Variants in TRIM2 observed in about 807,000 individuals in gnomAD.
The protein encoded by TRIM2 is tripartite motif containing 2.
Under a neutral mutation model 75.2 loss-of-function variants are expected in TRIM2, and 20 were observed. That is an observed-to-expected ratio of 0.27 (90% CI 0.19 to 0.39). The LOEUF is 0.39. TRIM2 is among the 10% of genes least tolerant of loss of function. The pLI, the probability that TRIM2 is intolerant of heterozygous loss-of-function variation, is 1.00. For missense variants in TRIM2, 660 were observed against 990.8 expected, an observed-to-expected ratio of 0.67 and a Z score of 4.48; for synonymous variants, 373 against 388.3, an observed-to-expected ratio of 0.96 and a Z score of 0.46.
At chr4:153,178,655 A>G (rs1261122759) in intron 1 of TRIM2, among the ~76,000 whole-genome samples, 1 of 152,200 alleles carries the variant, frequency 6.6e-6, no homozygotes, top group African/African-American at 2.4e-5. Flanking sequence ...GGTCAAAAAA[A>G]TTTGAGACTC....
intron 1 of TRIM2, among the ~76,000 whole-genome samples, chr4:153,171,352 G>A (rs1730826882): frequency 6.6e-6 from 1 of 152,210 alleles, no homozygotes; most frequent in African/African-American, 2.4e-5. Context: ...CTGGGAGGCT[G>A]AGGCAGGCGG....
intron 1 of TRIM2, among the ~76,000 whole-genome samples, chr4:153,220,954 A>G (rs1417459048): frequency 6.6e-6 from 1 of 152,200 alleles, no homozygotes; most frequent in Non-Finnish European, 1.5e-5. Flanking sequence ...TGTTAAACAT[A>G]GAATTAGCGT....
intron 8 of TRIM2, among the ~76,000 whole-genome samples, chr4:153,321,246 G>C (rs78364201): frequency 6.6e-6 from 1 of 152,364 alleles, no homozygotes; most frequent in African/African-American, 2.4e-5. Flanking sequence ...GAGGGCAAGA[G>C]CTACGTCTTA....
chr4:153,264,719 G>A (rs1043877873), intron 1 of TRIM2, among the ~76,000 whole-genome samples: 1 of 152,174 alleles, frequency 6.6e-6, no homozygotes, highest in Non-Finnish European at 1.5e-5. Flanking sequence ...GTGCTTATTA[G>A]CTCATTCTGT....
chr4:153,233,583 A>G (rs1744226773), intron 1 of TRIM2, among the ~76,000 whole-genome samples: 1 of 152,058 alleles, frequency 6.6e-6, no homozygotes, highest in Admixed American at 6.6e-5. Flanking sequence ...ACCAATGTGT[A>G]TTTGAAGTCA....
At position 153,295,105 on chromosome 4, in the gene TRIM2, C is replaced by T. The variant is rs549348899; in HGVS notation, c.787-208C>T. Among the ~76,000 whole-genome samples, 4 of 152,214 alleles carry T rather than the reference C, an allele frequency of 2.6e-5. No individual in the cohort carries two copies. The highest frequency in any genetic ancestry group is 3.8e-4 in the East Asian group (2 of 5,196). ...AGAAATACATGTGTGGAAGAGAGGG[C>T]GAGGCGGAAGGGAAACCTCGAAAAG... is the stretch of plus-strand genomic sequence containing the variant. On this transcript the variant is annotated intron_variant, in intron 5 of 11. Coordinates refer to ENST00000338700, the MANE Select transcript of TRIM2 (RefSeq NM_015271.5). The surrounding 1 kb of genome is among the most constrained non-coding windows in gnomAD (Gnocchi z 7.2).
chr4:153,173,090 G>T (rs558267909), intron 1 of TRIM2, among the ~76,000 whole-genome samples: 1 of 152,316 alleles, frequency 6.6e-6, no homozygotes, highest in Admixed American at 6.5e-5. Context: ...AGTCCAAAGT[G>T]ACACCCTTCG....
chr4:153,246,608 T>C (rs1749221797), intron 1 of TRIM2, among the ~76,000 whole-genome samples: 1 of 152,186 alleles, frequency 6.6e-6, no homozygotes, highest in African/African-American at 2.4e-5. Context: ...TAGCACATAG[T>C]AGAAGCTAAG....
Position 153,336,793 on chromosome 4 carries a change from A to G in TRIM2, c.*1827A>G, listed in dbSNP as rs921606561. On this transcript the variant is annotated 3_prime_UTR_variant, in exon 12 of 12. Coordinates refer to ENST00000338700, the MANE Select transcript of TRIM2 (RefSeq NM_015271.5). ...TTATTATGCCCAAATCAACCTCTGA[A>G]AAAAGGTTTTTCCAGGAAGATTTAC... The G allele has an allele frequency of 4.1e-6, 4 of 985,554 alleles. No homozygotes were observed. The Admixed American group carries it at 2.5e-4, about 61-fold the overall frequency. The allele number at this position is 985,554 out of a possible 1,614,324, so 61.1% of individuals were successfully genotyped here. A position where few individuals can be genotyped will look rare whatever the true frequency, so the allele number is the denominator to read the frequency against.
rs144849319 is a variant in TRIM2, at chr4:153,297,323, G to C, written c.1510+1287G>C. 1.5e-3 allele frequency among the ~76,000 whole-genome samples: 224 copies of C among 152,318 alleles called. 2 individuals are homozygous for C. The highest frequency in any genetic ancestry group is 5.0e-3 in the African/African-American group (208 of 41,560). ...AGAGCAGAGTGGACGAGCTTGGGTG[G>C]ATGCAGGACTGGGAGGCGCCCAGGT... On this transcript the variant is annotated intron_variant, in intron 6 of 11. Transcript: ENST00000338700.
rs541567968 is a variant in TRIM2, at chr4:153,174,073, T to G, written c.-49+20803T>G. Among the ~76,000 whole-genome samples, 38 of 46,070 alleles carry G rather than the reference T, an allele frequency of 8.2e-4. 1 individual carries two copies. Among genetic ancestry groups the G allele is most frequent in the Admixed American group, 3.9e-3 (19 of 4,860 alleles). 30.2% of individuals were successfully genotyped at this position (46,070 alleles called of 152,430 possible). A position where few individuals can be genotyped will look rare whatever the true frequency, so the allele number is the denominator to read the frequency against. ...GTAGCAGAAGCCCCAGGCCCCCGGGTGGGAATAGCCCTCGTGGGTGCCTGA... is the reference window on the plus strand; with the variant it reads ...GTAGCAGAAGCCCCAGGCCCCCGGGGGGGAATAGCCCTCGTGGGTGCCTGA... On this transcript the variant is annotated intron_variant, in intron 1 of 11. Transcript: ENST00000437508.
At chr4:153,212,943 A>T (rs911925152) in intron 1 of TRIM2, among the ~76,000 whole-genome samples, 24 of 152,260 alleles carry the variant, frequency 1.6e-4, no homozygotes, top group Admixed American at 1.1e-3. Flanking sequence ...TACAAAGGGA[A>T]ATTTAGGCTT....
At chr4:153,220,979 T>G (rs1739797774) in intron 1 of TRIM2, among the ~76,000 whole-genome samples, 2 of 152,168 alleles carry the variant, frequency 1.3e-5, no homozygotes. Flanking sequence ...CCCAGTGATT[T>G]CACTCCTAGG....
chr4:153,242,860 C>A (rs555077105), intron 1 of TRIM2, among the ~76,000 whole-genome samples: 1 of 152,292 alleles, frequency 6.6e-6, no homozygotes, highest in Non-Finnish European at 1.5e-5. Flanking sequence ...AATCACCTCC[C>A]CAGCTCTCTG....
At chr4:153,168,737 G>C (rs1730556827) in intron 1 of TRIM2, among the ~76,000 whole-genome samples, 1 of 151,666 alleles carries the variant, frequency 6.6e-6, no homozygotes, top group South Asian at 2.1e-4. Flanking sequence ...ATATAAAATA[G>C]TGTTTCTTAA....
intron 5 of TRIM2, 100 bp downstream of exon 5, chr4:153,294,585 C>A: frequency 8.0e-7 from 1 of 1,249,650 alleles, no homozygotes. Flanking sequence ...TAAGTGTCAT[C>A]ATTGTATAGT....
At chr4:153,271,140 C>A (rs1345204848) in intron 2 of TRIM2, among the ~76,000 whole-genome samples, 1 of 152,100 alleles carries the variant, frequency 6.6e-6, no homozygotes, top group Non-Finnish European at 1.5e-5. Context: ...TCAAAATATA[C>A]TTTTACCCCA....
rs1299441944 is a variant in TRIM2 at position 153,334,978 on chromosome 4, T to A, written c.*12T>A. ...GATACTTACAGTAATGGTGGGCAGG[T>A]GGATACCCGCTTCCATGGTCTTGCA... On this transcript the variant is annotated 3_prime_UTR_variant, in exon 12 of 12. Coordinates refer to ENST00000338700, the MANE Select transcript of TRIM2 (RefSeq NM_015271.5). 1.9e-6 allele frequency: 3 copies of A among 1,608,028 alleles called. No homozygotes were observed. The highest frequency in any genetic ancestry group is 1.7e-5 in the Admixed American group (1 of 59,476).
At chr4:153,221,944 T>TGAGGAAGGAAGGAAAGAGG (rs1740399271) in intron 1 of TRIM2, among the ~76,000 whole-genome samples, 4 of 47,848 alleles carry the variant, frequency 8.4e-5, no homozygotes, top group Admixed American at 3.1e-4. Flanking sequence ...AACGAAAGAG[T>TGAGGAAGGAAGGAAAGAGG]GAGGAAGGAA....
Sources: gnomAD v4.1 joint callset for allele counts (sites outside exome capture counted in the v4.1 genomes callset) on GRCh38, gnomAD v4.1.1 for gene constraint, Gnocchi (gnomAD v3.1) non-coding constraint, MANE v1.5 for transcripts, NCBI Gene and HGNC (gene_info 2026-07-23, HGNC 2026-07-21) for gene names.